The following CDC42BPA variants were observed in gnomAD, a reference collection of about 807,000 sequenced individuals.
CDC42BPA encodes the protein CDC42 binding protein kinase alpha.
Under a neutral mutation model 223.5 loss-of-function variants are expected in CDC42BPA, and 80 were observed. That is an observed-to-expected ratio of 0.36 (90% confidence interval 0.30 to 0.43). The LOEUF (loss-of-function observed/expected upper bound fraction) is 0.43. Among genes scored for constraint, CDC42BPA ranks in the 20% least tolerant of loss-of-function variants. The pLI, the probability that CDC42BPA is intolerant of heterozygous loss-of-function variation, is 1.00. For synonymous variants in CDC42BPA, 694 were observed against 718.6 expected (o/e 0.97, Z 0.55); for missense variants, 1,743 against 2,099.9 (o/e 0.83, Z 3.32).
In CDC42BPA at chr1:227,200,084, T is replaced by C. The variant is rs536253607; in HGVS notation, c.355-432A>G. Among the ~76,000 whole-genome samples the C allele has an allele frequency of 7.2e-5, 11 of 152,168 alleles. No homozygotes were observed. In the South Asian group the frequency reaches 2.3e-3, roughly 32 times the overall value. Reference sequence around the variant, plus strand: ...ATCTGAAGTCAGTGGATAGTCCAATTATATGACTTGATCACACATGTATAT... The same window carrying C: ...ATCTGAAGTCAGTGGATAGTCCAATCATATGACTTGATCACACATGTATAT... On this transcript the variant is annotated intron_variant, in intron 3 of 36. Transcript: ENST00000366766.
chr1:227,298,075 A>T (rs754643459), intron 1 of CDC42BPA, among the ~76,000 whole-genome samples: 3 of 137,186 alleles, frequency 2.2e-5, no homozygotes, highest in Non-Finnish European at 4.7e-5. Context: ...AAGCAGTGTG[A>T]CTATATACAA....
rs1040710245 is a variant in CDC42BPA, at chr1:227,029,111, A to C, written c.3978T>G (p.Asp1326Glu). The C allele has an allele frequency of 3.1e-6, 5 of 1,612,924 alleles. No homozygotes were observed. The highest frequency in any genetic ancestry group is 4.2e-6 in the Non-Finnish European group (5 of 1,180,020). ...PMSALDGRET[D>E]FYKLSETKGC... ...CTTTAGTTTCTGACAGCTTGTAAAA[A>C]TCGGTCTCTCGCCCATCCAATGCTG... The change falls in exon 30 of 37, where the codon GAT (aspartate) becomes GAG (glutamate). Residue 1326 changes from aspartate to glutamate, a missense_variant. This residue lies in a region of CDC42BPA where 678 missense variants were observed against 777.5 expected (regional missense o/e 0.87). Transcript: ENST00000366766.
chr1:227,251,369 G>A (rs973577885), intron 2 of CDC42BPA, among the ~76,000 whole-genome samples: 3 of 152,030 alleles, frequency 2.0e-5, no homozygotes, highest in East Asian at 1.9e-4. Flanking sequence ...TCCATTAATC[G>A]AAGAAGAAGC....
chr1:227,228,469 A>AT (rs1200000784), intron 2 of CDC42BPA, among the ~76,000 whole-genome samples: 2 of 152,204 alleles, frequency 1.3e-5, no homozygotes, highest in Non-Finnish European at 2.9e-5. Context: ...AGCTATTATG[A>AT]TTAAGGGTGC....
At position 227,005,078 on chromosome 1, in the gene CDC42BPA, T is replaced by C. The variant is rs1342339025; in HGVS notation, c.4891A>G (p.Ser1631Gly). Residue 1631 changes from serine to glycine, a missense_variant, in exon 35 of 37, where the codon AGT becomes GGT. Around this residue, in one of 6 missense-constraint regions of CDC42BPA, gnomAD observed 200 missense variants for 192.8 expected, o/e 1.04. Coordinates refer to ENST00000366766, the MANE Select transcript of CDC42BPA (RefSeq NM_001394014.1). ...ATAGATGGAATACTGACTGAGCCACTGAATACTGTCCGACTTTCCTGAGGC... is the reference window on the plus strand; with the variant it reads ...ATAGATGGAATACTGACTGAGCCACCGAATACTGTCCGACTTTCCTGAGGC... ...PRPQESRTVF[S>G]GSVSIPSITK... 6.2e-7 allele frequency: 1 copy of C among 1,614,166 alleles called. No individual in the cohort carries two copies. Among genetic ancestry groups the C allele is most frequent in the East Asian group, 2.2e-5 (1 of 44,886 alleles).
intron 1 of CDC42BPA, among the ~76,000 whole-genome samples, chr1:227,295,920 A>C (rs1326949686): frequency 6.6e-6 from 1 of 152,218 alleles, no homozygotes; most frequent in East Asian, 1.9e-4. Context: ...ACCACACCTA[A>C]CTGGAAATAA....
intron 1 of CDC42BPA, among the ~76,000 whole-genome samples, chr1:227,284,819 G>A (rs188238930): frequency 3.2e-4 from 48 of 152,016 alleles, no homozygotes; most frequent in Middle Eastern, 3.4e-3. Flanking sequence ...AAAATTAGCC[G>A]GGCATGATGG....
chr1:227,309,934 T>G (rs1325400990), intron 1 of CDC42BPA, among the ~76,000 whole-genome samples: 2 of 152,202 alleles, frequency 1.3e-5, no homozygotes. Context: ...AAATTTATCT[T>G]TCAGTGCACA....
chr1:227,145,701 A>G lies in CDC42BPA; in HGVS notation c.931T>C (p.Ser311Pro). 6.2e-7 allele frequency: 1 copy of G among 1,613,688 alleles called. No homozygotes were observed. The highest frequency in any genetic ancestry group is 8.5e-7 in the Non-Finnish European group (1 of 1,179,688). ...FQFPAQVTDV[S>P]ENAKDLIRRL... The stretch of plus-strand genomic sequence containing the variant: ...CGAATAAGATCCTTAGCATTTTCAG[A>G]CACATCAGTCACTTGGGCTGGAAAC... Residue 311 changes from serine (S) to proline (P), a missense_variant, in exon 8 of 37, where the codon TCT becomes CCT. Transcript: ENST00000366766.
rs548511095 is a variant in CDC42BPA at position 227,091,102 on chromosome 1, T to C, written c.2355+784A>G. On this transcript the variant is annotated intron_variant, in intron 16 of 36. Transcript: ENST00000366766. Reference sequence around the variant, plus strand: ...TTCTTTGTGAATATGAATCAGCTGTTACAATTTCTCCAGGTTTGGCCTAAT... The same window carrying C: ...TTCTTTGTGAATATGAATCAGCTGTCACAATTTCTCCAGGTTTGGCCTAAT... 1.7e-4 allele frequency among the ~76,000 whole-genome samples: 26 copies of C among 152,302 alleles called. No individual in the cohort carries two copies. The South Asian group carries it at 4.8e-3, about 28-fold the overall frequency.
intron 14 of CDC42BPA, among the ~76,000 whole-genome samples, chr1:227,109,938 A>G (rs981947559): frequency 1.3e-5 from 2 of 152,124 alleles, no homozygotes; most frequent in South Asian, 4.1e-4. Context: ...TAAATGCTAT[A>G]TAAGTAGGTT....
chr1:227,073,494 C>T (rs931911392), intron 19 of CDC42BPA, among the ~76,000 whole-genome samples: 1 of 151,936 alleles, frequency 6.6e-6, no homozygotes, highest in Non-Finnish European at 1.5e-5. Flanking sequence ...CCACAATTTT[C>T]AAATGATTAT....
At chr1:227,004,585 T>A (rs968089333) in intron 35 of CDC42BPA, 1 of 240,564 alleles carries the variant, frequency 4.2e-6, no homozygotes, top group Non-Finnish European at 8.5e-6. Context: ...CATGTAGCCA[T>A]ACTAGCCTTC....
rs149880834 is a variant in CDC42BPA at position 227,054,539 on chromosome 1, T to C, written c.2905-2554A>G. The stretch of plus-strand genomic sequence containing the variant: ...GGTTGTTAAAACATTTACCAGCATG[T>C]TTGCTGATCCTATGAAAATGTGGTA... On this transcript the variant is annotated intron_variant, in intron 21 of 36. Transcript: ENST00000366766. 9.7e-3 allele frequency among the ~76,000 whole-genome samples: 1,482 copies of C among 152,322 alleles called. 16 individuals carry two copies. The highest frequency in any genetic ancestry group is 0.015 in the Non-Finnish European group (1,009 of 68,008).
chr1:227,260,522 A>C lies in CDC42BPA; in HGVS notation c.179-6367T>G, dbSNP rs780894002. Among the ~76,000 whole-genome samples the C allele has an allele frequency of 4.9e-4, 74 of 149,858 alleles. 1 individual carries two copies. Among genetic ancestry groups the C allele is most frequent in the Non-Finnish European group, 9.7e-4 (66 of 67,952 alleles). The stretch of plus-strand genomic sequence containing the variant: ...TACTGGCCAGGTGGTAGGAACATAG[A>C]TTGCAAGCCACTAGTGATAGCTACC... On this transcript the variant is annotated intron_variant, in intron 1 of 36. Transcript: ENST00000366766.
At chr1:227,023,563 G>A (rs1667752442) in intron 31 of CDC42BPA, among the ~76,000 whole-genome samples, 2 of 152,136 alleles carry the variant, frequency 1.3e-5, no homozygotes, top group Non-Finnish European at 2.9e-5. Flanking sequence ...TTTAAAGGAA[G>A]GCTATCCTAA....
intron 10 of CDC42BPA, among the ~76,000 whole-genome samples, chr1:227,133,213 G>A (rs71468525): frequency 1.4e-5 from 2 of 147,168 alleles, no homozygotes; most frequent in Admixed American, 6.6e-5. Flanking sequence ...GGAGGGAGGT[G>A]GGGGGGTCAG....
At chr1:227,182,753 T>A (rs1232772474) in intron 5 of CDC42BPA, 3 of 152,214 alleles carry the variant, frequency 2.0e-5, no homozygotes, top group African/African-American at 7.2e-5. Context: ...CAGAGGAAAC[T>A]GACATTTGAG....
rs140858855 is a variant in CDC42BPA at position 227,144,761 on chromosome 1, T to A, written c.1143+728A>T. Among the ~76,000 whole-genome samples, 21 of 152,266 alleles carry A rather than the reference T, an allele frequency of 1.4e-4. 1 individual carries two copies. In the East Asian group the frequency reaches 4.0e-3, roughly 29 times the overall value. On this transcript the variant is annotated intron_variant, in intron 8 of 36. Transcript: ENST00000366766. Reference sequence around the variant, plus strand: ...GTTAAGAATGGTTGAATTATTTGGCTATTGGACTGGCCGAATAATTGGCTT... The same window carrying A: ...GTTAAGAATGGTTGAATTATTTGGCAATTGGACTGGCCGAATAATTGGCTT...
Sources: gnomAD v4.1 joint callset for allele counts (sites outside exome capture counted in the v4.1 genomes callset) on GRCh38, gnomAD v4.1.1 for gene constraint, gnomAD v4.1.1 regional missense constraint, MANE v1.5 for transcripts, NCBI Gene and HGNC (gene_info 2026-07-23, HGNC 2026-07-21) for gene names.